Variants in GALNT2 observed in about 807,000 individuals in gnomAD.
GALNT2 encodes the protein polypeptide N-acetylgalactosaminyltransferase 2, also known as UDP-GalNAc:polypeptide N-acetylgalactosaminyltransferase 2.
GALNT2 carries 31 observed loss-of-function variants against 81.4 expected under a neutral mutation model. The ratio of observed to expected loss-of-function variants is 0.38; its 90% CI spans 0.29 to 0.51. The LOEUF (loss-of-function observed/expected upper bound fraction) is 0.51, where lower values mean the gene tolerates loss of function less well. Among genes scored for constraint, GALNT2 ranks in the 20% least tolerant of loss-of-function variants. The pLI is 0.87. For synonymous variants in GALNT2, 303 were observed against 287.4 expected, an observed-to-expected ratio of 1.05 and a Z score of -0.55; for missense variants, 629 against 765.7, an observed-to-expected ratio of 0.82 and a Z score of 2.11.
At chr1:230,180,004 C>T (rs1207942913) in intron 2 of GALNT2, among the ~76,000 whole-genome samples, 1 of 152,208 alleles carries the variant, frequency 6.6e-6, no homozygotes, top group East Asian at 1.9e-4. Context: ...ATTGCAACCT[C>T]CACCTCCCAG....
chr1:230,113,829 T>C (rs1179456602), intron 1 of GALNT2, among the ~76,000 whole-genome samples: 1 of 152,112 alleles, frequency 6.6e-6, no homozygotes, highest in East Asian at 1.9e-4. Context: ...CCTTGCCAAA[T>C]GTGGGAAGCG....
At chr1:230,259,165 T>A (rs868816225) in intron 11 of GALNT2, 2 of 152,362 alleles carry the variant, frequency 1.3e-5, no homozygotes, top group Middle Eastern at 3.4e-3. Context: ...TAATCTCCTA[T>A]ACAGGTTGAA....
In GALNT2 at chr1:230,275,634, C is replaced by T. The variant is rs143773319; in HGVS notation, c.1560+1070C>T. Among the ~76,000 whole-genome samples the T allele has an allele frequency of 1.1e-4, 17 of 150,504 alleles. No homozygotes were observed. The highest frequency in any genetic ancestry group is 3.3e-4 in the Admixed American group (5 of 15,050). ...TTTATATAAACACCACATATATATA[C>T]GCCACATAGATATACAAGCACAACA... On this transcript the variant is annotated intron_variant, in intron 15 of 15. Coordinates refer to ENST00000366672, the MANE Select transcript of GALNT2 (RefSeq NM_004481.5). The surrounding 1 kb of genome is among the most constrained non-coding windows in gnomAD (Gnocchi z 5.5).
chr1:230,243,499 C>G lies in GALNT2; in HGVS notation c.729+72C>G. The G allele has an allele frequency of 6.4e-7, 1 of 1,561,540 alleles. No individual in the cohort carries two copies. On this transcript the variant is annotated intron_variant, in intron 7 of 15. Coordinates refer to ENST00000366672, the MANE Select transcript of GALNT2 (RefSeq NM_004481.5). The surrounding 1 kb of genome is among the most constrained non-coding windows in gnomAD (Gnocchi z 4.2). ...TAGAGGGGACAGAAGGGAGCATGGT[C>G]CAGGGGAGGTGTAACGCAGGGAGTA...
chr1:230,149,319 G>A (rs966461977), intron 1 of GALNT2, among the ~76,000 whole-genome samples: 2 of 152,188 alleles, frequency 1.3e-5, no homozygotes, highest in Non-Finnish European at 2.9e-5. Flanking sequence ...GATTGGACTT[G>A]TGTGGTTGAG....
chr1:230,166,439 T>A (rs1242028182), intron 1 of GALNT2, among the ~76,000 whole-genome samples: 2 of 152,222 alleles, frequency 1.3e-5, no homozygotes, highest in Non-Finnish European at 2.9e-5. Flanking sequence ...TTTCTAAATA[T>A]CCCACGTGGG....
chr1:230,210,180 T>A (rs1664190843), intron 3 of GALNT2, among the ~76,000 whole-genome samples: 1 of 152,106 alleles, frequency 6.6e-6, no homozygotes, highest in Admixed American at 6.5e-5. Flanking sequence ...GATAAGAAAA[T>A]AAAGTAGAGG....
At chr1:230,272,870 G>A (rs1438473838) in intron 14 of GALNT2, among the ~76,000 whole-genome samples, 2 of 152,164 alleles carry the variant, frequency 1.3e-5, no homozygotes, top group Non-Finnish European at 2.9e-5. Context: ...CCAGGTTGAA[G>A]CAATCCTTCC....
chr1:230,066,275 G>C (rs1659179173), upstream of GALNT2, among the ~76,000 whole-genome samples: 1 of 152,218 alleles, frequency 6.6e-6, no homozygotes, highest in African/African-American at 2.4e-5. Flanking sequence ...CGTGTTGCAA[G>C]GGCATCACCA....
chr1:230,109,973 C>A (rs544194918), intron 1 of GALNT2, among the ~76,000 whole-genome samples: 3 of 152,344 alleles, frequency 2.0e-5, no homozygotes, highest in African/African-American at 7.2e-5. Flanking sequence ...GTTTCTGTTT[C>A]CTGTCACGCA....
At chr1:230,107,608 CTT>C (rs1491550839) in intron 1 of GALNT2, among the ~76,000 whole-genome samples, 1 of 73,066 alleles carries the variant, frequency 1.4e-5, no homozygotes, top group Non-Finnish European at 3.0e-5. Flanking sequence ...TTCTCATGGA[CTT>C]TGTGTGTGTG....
At chr1:230,128,456 C>T (rs1247838399) in intron 1 of GALNT2, among the ~76,000 whole-genome samples, 1 of 152,098 alleles carries the variant, frequency 6.6e-6, no homozygotes, top group African/African-American at 2.4e-5. Flanking sequence ...GTCTGCATGG[C>T]TGCTTATTAA....
intron 1 of GALNT2, among the ~76,000 whole-genome samples, chr1:230,111,126 A>T (rs984816518): frequency 9.2e-5 from 14 of 152,254 alleles, no homozygotes; most frequent in Admixed American, 9.2e-4. Context: ...TGGCATGGGC[A>T]TATGGCACAT....
Position 230,274,497 on chromosome 1 carries a change from C to T in GALNT2, c.1493C>T (p.Thr498Ile), listed in dbSNP as rs757993288. Reference protein sequence around the residue: ...KSVKHMDLCLTVVDRAPGSLI... With the variant: ...KSVKHMDLCLIVVDRAPGSLI... ...GTGAAGCACATGGATTTGTGCCTTA[C>T]TGTGGTGGACCGGGCACCGGGCTCT... The change falls in exon 15 of 16, where the codon ACT (threonine) becomes ATT (isoleucine). Residue 498 changes from threonine to isoleucine, a missense_variant. Around this residue, in one of 3 missense-constraint regions of GALNT2, gnomAD observed 207 missense variants for 225.5 expected, o/e 0.92. Transcript: ENST00000366672. The T allele has an allele frequency of 6.2e-7, 1 of 1,613,980 alleles. No individual in the cohort carries two copies. Among genetic ancestry groups the T allele is most frequent in the South Asian group, 1.1e-5 (1 of 91,040 alleles).
At chr1:230,087,634 T>C (rs186220971) in intron 1 of GALNT2, among the ~76,000 whole-genome samples, 4 of 152,172 alleles carry the variant, frequency 2.6e-5, no homozygotes, top group Non-Finnish European at 4.4e-5. Context: ...AAGCTCCCCA[T>C]GTGTGAATGA....
intron 3 of GALNT2, among the ~76,000 whole-genome samples, chr1:230,231,627 G>T (rs11122473): frequency 1 from 152,205 of 152,336 alleles, 76,037 homozygotes; most frequent in Middle Eastern, 1. Flanking sequence ...ACAATGTGGT[G>T]GTTTAGATTC....
chr1:230,239,289 G>C (rs534611140), intron 6 of GALNT2, among the ~76,000 whole-genome samples: 1 of 152,282 alleles, frequency 6.6e-6, no homozygotes, highest in South Asian at 2.1e-4. Context: ...AGAACTAATA[G>C]GATAGATGTA....
intron 1 of GALNT2, among the ~76,000 whole-genome samples, chr1:230,097,042 C>T (rs1404382376): frequency 6.6e-6 from 1 of 152,086 alleles, no homozygotes. Flanking sequence ...AGGGGGTGCA[C>T]GGTGACAAAA....
chr1:230,223,395 A>G (rs1664611245), intron 3 of GALNT2, among the ~76,000 whole-genome samples: 1 of 151,322 alleles, frequency 6.6e-6, no homozygotes, highest in Non-Finnish European at 1.5e-5. Flanking sequence ...CTTTTGTAAC[A>G]CATATATTTT....
Sources: gnomAD v4.1 joint callset for allele counts (sites outside exome capture counted in the v4.1 genomes callset) on GRCh38, gnomAD v4.1.1 for gene constraint, gnomAD v4.1.1 regional missense constraint, Gnocchi (gnomAD v3.1) non-coding constraint, MANE v1.5 for transcripts, NCBI Gene and HGNC (gene_info 2026-07-23, HGNC 2026-07-21) for gene names.